The following ZFHX3 variants were observed in gnomAD, a reference collection of about 807,000 sequenced individuals.
ZFHX3 encodes zinc finger homeobox protein 3.
Under a neutral mutation model 279.1 loss-of-function variants are expected in ZFHX3, and 42 were observed. That is an observed-to-expected ratio of 0.15 (90% CI 0.12 to 0.19). The LOEUF is 0.19. Ranked by LOEUF, ZFHX3 falls within the 10% of genes least tolerant of loss-of-function variation. The probability of loss-of-function intolerance (pLI) is 1.00; values close to 1 mark genes in which losing one functional copy is unlikely to be tolerated. For synonymous variants in ZFHX3, 2,293 were observed against 1,957.8 expected (o/e 1.17, Z -4.52); for missense variants, 4,981 against 4,754.0 (o/e 1.05, Z -1.40).
At chr16:73,105,526 C>T (rs148473480) in intron 7 of ZFHX3, among the ~76,000 whole-genome samples, 2,351 of 151,086 alleles carry the variant, frequency 0.016, 67 homozygotes, top group African/African-American at 0.054. Flanking sequence ...CAAAGACGGG[C>T]GGATCACTTG....
intron 5 of ZFHX3, among the ~76,000 whole-genome samples, chr16:73,240,948 A>T (rs964892208): frequency 2.0e-5 from 3 of 152,236 alleles, no homozygotes; most frequent in Non-Finnish European, 4.4e-5. Context: ...GGCAAAGTTC[A>T]TCTGTGCTTT....
intron 7 of ZFHX3, among the ~76,000 whole-genome samples, chr16:73,105,408 T>TATAC (rs1966288078): frequency 1.2e-4 from 10 of 82,800 alleles, no homozygotes; most frequent in South Asian, 4.7e-4. Flanking sequence ...TATATATATA[T>TATAC]ACACACACAC....
intron 1 of ZFHX3, among the ~76,000 whole-genome samples, chr16:73,681,172 T>C (rs907673674): frequency 6.6e-6 from 1 of 152,232 alleles, no homozygotes; most frequent in Non-Finnish European, 1.5e-5. Context: ...TGCATAAGCA[T>C]CTTGCTATTA....
At chr16:72,831,531 A>T (rs543483709) in intron 4 of ZFHX3, among the ~76,000 whole-genome samples, 36 of 152,236 alleles carry the variant, frequency 2.4e-4, no homozygotes, top group Admixed American at 6.5e-5. Context: ...TCAATCAGAT[A>T]TAGAGCCCCA....
intron 1 of ZFHX3, among the ~76,000 whole-genome samples, chr16:73,797,996 A>G (rs1304910097): frequency 1.3e-5 from 2 of 151,858 alleles, no homozygotes; most frequent in African/African-American, 2.4e-5. Flanking sequence ...TTTAGTAGAC[A>G]TGGGGTTTCA....
chr16:73,155,754 C>T (rs1242017323), intron 5 of ZFHX3, among the ~76,000 whole-genome samples: 6 of 151,770 alleles, frequency 4.0e-5, no homozygotes, highest in South Asian at 2.1e-4. Context: ...ACCCAGGAGG[C>T]GGAGGTCACA....
rs947781870 is a variant in ZFHX3, at chr16:73,353,271, G to A, written c.-1290-34935C>T. 9.9e-5 allele frequency among the ~76,000 whole-genome samples: 15 copies of A among 152,216 alleles called. No homozygotes were observed. In the East Asian group the frequency reaches 2.3e-3, roughly 23 times the overall value. Reference sequence around the variant, plus strand: ...CTAAAATCACCCATGGGCTCATTTCGCCAAAGCTGTTTTGGTTTTCACCGA... The same window carrying A: ...CTAAAATCACCCATGGGCTCATTTCACCAAAGCTGTTTTGGTTTTCACCGA... On this transcript the variant is annotated intron_variant, in intron 3 of 17. Coordinates refer to the ZFHX3 transcript ENST00000641206.
At chr16:73,339,549 A>G (rs1376890059) in intron 3 of ZFHX3, among the ~76,000 whole-genome samples, 1 of 152,250 alleles carries the variant, frequency 6.6e-6, no homozygotes, top group East Asian at 1.9e-4. Context: ...TTGTTCCACA[A>G]CAATTTTAAA....
At chr16:73,064,283 C>A (rs930247860), upstream of ZFHX3, among the ~76,000 whole-genome samples, 1 of 151,996 alleles carries the variant, frequency 6.6e-6, no homozygotes, top group Non-Finnish European at 1.5e-5. Context: ...GACGCCCTCC[C>A]CTGACTCTCA....
At chr16:73,021,845 A>AT in intron 1 of ZFHX3, among the ~76,000 whole-genome samples, 1 of 151,788 alleles carries the variant, frequency 6.6e-6, no homozygotes, top group Admixed American at 6.6e-5. Flanking sequence ...AAAAAAAAAA[A>AT]AAAAAAAATC....
At chr16:72,872,036 G>A (rs529204691) in intron 4 of ZFHX3, among the ~76,000 whole-genome samples, 1 of 151,846 alleles carries the variant, frequency 6.6e-6, no homozygotes, top group Non-Finnish European at 1.5e-5. Flanking sequence ...AGTTAGCCGA[G>A]ATCCTGCCAC....
chr16:72,788,450 G>T lies in ZFHX3; in HGVS notation c.9826C>A (p.Leu3276Met), dbSNP rs1443520103. ...TATAATISAPLPTMEYAVDPA... is the reference protein window; with the variant it reads ...TATAATISAPMPTMEYAVDPA... ...TCTACCGCATACTCCATGGTGGGCAGCGGGGCTGAGATCGTGGCTGCAGTT... is the reference window on the plus strand; with the variant it reads ...TCTACCGCATACTCCATGGTGGGCATCGGGGCTGAGATCGTGGCTGCAGTT... The change falls in exon 10 of 10, where the codon CTG (leucine) becomes ATG (methionine). Residue 3276 changes from leucine to methionine, a missense_variant. Around this residue, in one of 7 missense-constraint regions of ZFHX3, gnomAD observed 1,034 missense variants for 786.0 expected, o/e 1.32. Coordinates refer to ENST00000268489, the MANE Select transcript of ZFHX3 (RefSeq NM_006885.4). The T allele has an allele frequency of 6.2e-7, 1 of 1,614,130 alleles. No homozygotes were observed. Among genetic ancestry groups the T allele is most frequent in the Non-Finnish European group, 8.5e-7 (1 of 1,180,050 alleles).
In ZFHX3 at chr16:73,863,171, A is replaced by G. The variant is rs147926503; in HGVS notation, c.-1608+28480T>C. 5.4e-3 allele frequency among the ~76,000 whole-genome samples: 826 copies of G among 152,318 alleles called. 5 individuals carry two copies. Among genetic ancestry groups the G allele is most frequent in the African/African-American group, 0.019 (780 of 41,560 alleles). On this transcript the variant is annotated intron_variant, in intron 1 of 17. Coordinates refer to the ZFHX3 transcript ENST00000641206. ...CAGTGAGCGGAGATCGTGCCAATGC[A>G]CTCCAGCCTGGGCGACAGAGCGAGA...
chr16:73,660,635 C>T (rs909422487), intron 2 of ZFHX3, among the ~76,000 whole-genome samples: 4 of 152,104 alleles, frequency 2.6e-5, no homozygotes, highest in Non-Finnish European at 5.9e-5. Context: ...AGGGATACTA[C>T]ATCCTCTTGA....
At chr16:73,212,445 C>A (rs2012053774) in intron 5 of ZFHX3, among the ~76,000 whole-genome samples, 3 of 152,308 alleles carry the variant, frequency 2.0e-5, no homozygotes, top group South Asian at 4.1e-4. Context: ...CCATTTCTAT[C>A]ATACATCCAG....
At chr16:73,841,675 A>T (rs763921231) in intron 1 of ZFHX3, among the ~76,000 whole-genome samples, 4 of 152,172 alleles carry the variant, frequency 2.6e-5, no homozygotes, top group Admixed American at 6.5e-5. Context: ...TCTCTTGGAG[A>T]AGAGCAGAGG....
At chr16:73,374,994 A>G (rs898057577) in intron 3 of ZFHX3, among the ~76,000 whole-genome samples, 7 of 152,222 alleles carry the variant, frequency 4.6e-5, no homozygotes, top group Non-Finnish European at 7.3e-5. Context: ...GTTATTTATA[A>G]TAATTGCTTA....
intron 4 of ZFHX3, among the ~76,000 whole-genome samples, chr16:72,842,396 A>G (rs549478728): frequency 1.3e-5 from 2 of 152,180 alleles, no homozygotes; most frequent in African/African-American, 4.8e-5. Context: ...AACATTTCAC[A>G]AAGTGAAATA....
At chr16:73,861,318 C>T (rs1315638256) in intron 1 of ZFHX3, among the ~76,000 whole-genome samples, 1 of 152,104 alleles carries the variant, frequency 6.6e-6, no homozygotes, top group Non-Finnish European at 1.5e-5. Flanking sequence ...AAATTGTCTG[C>T]TTAACCATTG....
Sources: allele counts gnomAD v4.1 joint callset (sites outside exome capture counted in the v4.1 genomes callset), GRCh38; gene constraint gnomAD v4.1.1; regional missense constraint gnomAD v4.1.1; transcripts MANE v1.5; gene names NCBI Gene and HGNC (gene_info 2026-07-23, HGNC 2026-07-21).